The following STK3 variants were observed in gnomAD, a reference collection of about 807,000 sequenced individuals.
STK3 encodes the protein serine/threonine-protein kinase 3.
In STK3, 41 loss-of-function variants were observed where a neutral mutation model predicts 58.0. That is an observed-to-expected ratio of 0.71 (90% CI 0.55 to 0.92). STK3 has a LOEUF of 0.92. Ranked by LOEUF, STK3 falls within the 40% of genes least tolerant of loss-of-function variation. The pLI is 0.00. For missense variants in STK3, 479 were observed against 602.7 expected, an observed-to-expected ratio of 0.79 and a Z score of 2.15; for synonymous variants, 170 against 191.0, an observed-to-expected ratio of 0.89 and a Z score of 0.91.
chr8:98,611,285 AC>A (rs1222501544), intron 6 of STK3, among the ~76,000 whole-genome samples: 1 of 152,198 alleles, frequency 6.6e-6, no homozygotes, highest in Non-Finnish European at 1.5e-5. Context: ...AAAATTAACA[AC>A]AAAAAATATA....
intron 3 of STK3, among the ~76,000 whole-genome samples, chr8:98,754,708 C>T (rs1257274078): frequency 1.3e-5 from 2 of 151,988 alleles, no homozygotes; most frequent in African/African-American, 4.8e-5. Context: ...TGGGGTTTTG[C>T]CATGTTGACC....
At chr8:98,433,910 T>A (rs930074465) in intron 3 of STK3, among the ~76,000 whole-genome samples, 3 of 152,212 alleles carry the variant, frequency 2.0e-5, no homozygotes, top group Admixed American at 6.5e-5. Flanking sequence ...TTTCCACCTA[T>A]GTACACGGAA....
chr8:98,571,437 G>C (rs1463080178), intron 8 of STK3, among the ~76,000 whole-genome samples: 1 of 152,144 alleles, frequency 6.6e-6, no homozygotes, highest in East Asian at 1.9e-4. Context: ...ACCTGAAACT[G>C]TATCACCACC....
chr8:98,584,840 T>C (rs1194345986), intron 7 of STK3, among the ~76,000 whole-genome samples: 6 of 150,682 alleles, frequency 4.0e-5, no homozygotes, highest in East Asian at 3.9e-4. Flanking sequence ...TGCATTTCTC[T>C]GATGGCCAGT....
At chr8:98,748,923 C>A (rs899085260) in intron 4 of STK3, among the ~76,000 whole-genome samples, 25 of 151,482 alleles carry the variant, frequency 1.7e-4, no homozygotes, top group Non-Finnish European at 8.8e-5. Context: ...TACGTAAATA[C>A]CATGAATATT....
chr8:98,623,045 G>A (rs917624813), intron 6 of STK3, among the ~76,000 whole-genome samples: 3 of 152,092 alleles, frequency 2.0e-5, no homozygotes, highest in Admixed American at 6.5e-5. Flanking sequence ...CAAATGATGA[G>A]TAATGCTCCA....
chr8:98,398,341 A>G (rs189490098), downstream of STK3, among the ~76,000 whole-genome samples: 429 of 152,302 alleles, frequency 2.8e-3, 3 homozygotes, highest in Non-Finnish European at 4.3e-3. Context: ...AATTATGGTG[A>G]CCAACTTCTC....
intron 8 of STK3, among the ~76,000 whole-genome samples, chr8:98,561,600 G>A (rs955591277): frequency 6.6e-6 from 1 of 152,086 alleles, no homozygotes; most frequent in Non-Finnish European, 1.5e-5. Context: ...TGAGGCTACA[G>A]TGAGCTATGA....
chr8:98,896,498 C>T (rs531710885), intron 1 of STK3, among the ~76,000 whole-genome samples: 1 of 152,204 alleles, frequency 6.6e-6, no homozygotes, highest in Non-Finnish European at 1.5e-5. Flanking sequence ...TAGAGTTCAA[C>T]TGGTGCCTTC....
intron 3 of STK3, among the ~76,000 whole-genome samples, chr8:98,752,852 A>G (rs1041028531): frequency 6.6e-6 from 1 of 152,158 alleles, no homozygotes; most frequent in Admixed American, 6.5e-5. Flanking sequence ...GAATATGAAA[A>G]AAAGTTCAAC....
intron 1 of STK3, among the ~76,000 whole-genome samples, chr8:98,914,501 C>G (rs1290784861): frequency 2.6e-5 from 4 of 151,978 alleles, no homozygotes; most frequent in African/African-American, 9.7e-5. Flanking sequence ...CACTCTCTCT[C>G]TCTCTCTCTT....
intron 2 of STK3, among the ~76,000 whole-genome samples, chr8:98,372,486 G>C (rs1054235280): frequency 6.6e-6 from 1 of 151,968 alleles, no homozygotes; most frequent in Non-Finnish European, 1.5e-5. Flanking sequence ...GCCCAGTGGG[G>C]TTTTTTGTTG....
chr8:98,520,445 C>A (rs1423423988), intron 10 of STK3, among the ~76,000 whole-genome samples: 1 of 152,086 alleles, frequency 6.6e-6, no homozygotes, highest in Non-Finnish European at 1.5e-5. Flanking sequence ...ACAAGGAATG[C>A]TTCCTACCCT....
chr8:98,621,034 A>G (rs1818262120), intron 6 of STK3, among the ~76,000 whole-genome samples: 1 of 146,218 alleles, frequency 6.8e-6, no homozygotes, highest in Non-Finnish European at 1.5e-5. Context: ...GGTTCACGCC[A>G]TTCTCCTGCC....
chr8:98,471,121 T>C (rs938872920), intron 10 of STK3, among the ~76,000 whole-genome samples: 3 of 152,108 alleles, frequency 2.0e-5, no homozygotes, highest in African/African-American at 7.2e-5. Flanking sequence ...CACTGGCTCC[T>C]GAAAAGTTAG....
chr8:98,629,816 C>T (rs922730910), intron 6 of STK3, among the ~76,000 whole-genome samples: 1 of 152,176 alleles, frequency 6.6e-6, no homozygotes, highest in Non-Finnish European at 1.5e-5. Flanking sequence ...CAAACTACCC[C>T]TCCTTGAGTG....
chr8:98,454,110 G>C (rs1414557836), downstream of STK3, among the ~76,000 whole-genome samples: 1 of 152,072 alleles, frequency 6.6e-6, no homozygotes, highest in Non-Finnish European at 1.5e-5. Context: ...ATGACACTTT[G>C]AGGCATTACC....
intron 1 of STK3, among the ~76,000 whole-genome samples, chr8:98,776,600 G>A (rs888946871): frequency 4.6e-5 from 7 of 152,160 alleles, no homozygotes; most frequent in Admixed American, 1.3e-4. Flanking sequence ...AAGCAGTTCA[G>A]CATTTAGAAT....
At chr8:98,482,523 C>A (rs1393986553) in intron 10 of STK3, among the ~76,000 whole-genome samples, 1 of 152,168 alleles carries the variant, frequency 6.6e-6, no homozygotes, top group Non-Finnish European at 1.5e-5. Flanking sequence ...ATTTAGGTAA[C>A]TTTGTCCCCT....
Sources: allele counts gnomAD v4.1 joint callset (sites outside exome capture counted in the v4.1 genomes callset), GRCh38; gene constraint gnomAD v4.1.1; transcripts MANE v1.5; gene names NCBI Gene and HGNC (gene_info 2026-07-23, HGNC 2026-07-21).